The following LRRC4C variants were observed in gnomAD, a reference collection of about 807,000 sequenced individuals.
The protein encoded by LRRC4C is leucine rich repeat containing 4C.
Under a neutral mutation model 33.6 loss-of-function variants are expected in LRRC4C, and 5 were observed. The observed-to-expected ratio is 0.15, with a 90% CI of 0.08 to 0.31. LRRC4C has a LOEUF of 0.31. LRRC4C is among the 10% of genes least tolerant of loss of function. The probability of loss-of-function intolerance (pLI) is 1.00; values close to 1 mark genes in which losing one functional copy is unlikely to be tolerated. For missense variants in LRRC4C, 560 were observed against 796.7 expected, an observed-to-expected ratio of 0.70 and a Z score of 3.58; for synonymous variants, 329 against 302.0, an observed-to-expected ratio of 1.09 and a Z score of -0.93.
chr11:40,241,237 C>T (rs1025817677), intron 5 of LRRC4C, among the ~76,000 whole-genome samples: 1 of 151,992 alleles, frequency 6.6e-6, no homozygotes, highest in South Asian at 2.1e-4. Context: ...AAAAAGTTAG[C>T]CAGGCATGGT....
At chr11:41,410,568 G>A (rs1268663231) in intron 1 of LRRC4C, among the ~76,000 whole-genome samples, 1 of 151,920 alleles carries the variant, frequency 6.6e-6, no homozygotes, top group African/African-American at 2.4e-5. Flanking sequence ...AGCCTCCCGA[G>A]TAGCTGGGAC....
At chr11:40,351,424 A>G (rs1001257888) in intron 3 of LRRC4C, 2 of 152,090 alleles carry the variant, frequency 1.3e-5, no homozygotes, top group Admixed American at 6.6e-5. Flanking sequence ...CTTTAGGTCT[A>G]TAGTGCAGAT....
chr11:40,278,378 A>C (rs752350321), intron 4 of LRRC4C, among the ~76,000 whole-genome samples: 13 of 152,220 alleles, frequency 8.5e-5, no homozygotes, highest in Non-Finnish European at 1.8e-4. Flanking sequence ...AGATTTAAAC[A>C]CATCTATGGC....
intron 6 of LRRC4C, among the ~76,000 whole-genome samples, chr11:40,117,673 T>C (rs1855530619): frequency 6.6e-6 from 1 of 151,070 alleles, no homozygotes; most frequent in Admixed American, 6.6e-5. Context: ...ATAAACAGTG[T>C]GTCTTCTATG....
intron 1 of LRRC4C, among the ~76,000 whole-genome samples, chr11:41,169,824 G>A (rs1490240706): frequency 1.3e-5 from 2 of 152,004 alleles, no homozygotes; most frequent in African/African-American, 4.8e-5. Context: ...CCCTTTCAAT[G>A]GTATTGTAAG....
At chr11:40,376,772 G>T (rs1001100770) in intron 3 of LRRC4C, among the ~76,000 whole-genome samples, 1 of 151,856 alleles carries the variant, frequency 6.6e-6, no homozygotes, top group African/African-American at 2.4e-5. Context: ...TGGAGTGGGG[G>T]AGTTAAATGT....
chr11:41,449,769 A>G (rs1008539243), intron 1 of LRRC4C, among the ~76,000 whole-genome samples: 3 of 100,144 alleles, frequency 3.0e-5, no homozygotes, highest in Non-Finnish European at 4.5e-5. Context: ...CTCTTGATGG[A>G]AAAAAAAAAA....
intron 1 of LRRC4C, among the ~76,000 whole-genome samples, chr11:41,186,151 A>G (rs919474841): frequency 6.6e-6 from 1 of 152,162 alleles, no homozygotes; most frequent in Non-Finnish European, 1.5e-5. Flanking sequence ...GTTTTGTCTG[A>G]TGAAGCCAAA....
intron 2 of LRRC4C, among the ~76,000 whole-genome samples, chr11:40,716,256 TGG>T (rs1191471869): frequency 1.3e-5 from 2 of 152,172 alleles, no homozygotes; most frequent in African/African-American, 4.8e-5. Context: ...CTTAGGGAGC[TGG>T]GTGGTAGATA....
intron 3 of LRRC4C, among the ~76,000 whole-genome samples, chr11:40,606,059 G>A (rs1241178645): frequency 1.3e-5 from 2 of 152,168 alleles, no homozygotes; most frequent in East Asian, 1.9e-4. Context: ...GAACAAAACA[G>A]CTTGGTTGTC....
rs189564419 is a variant in LRRC4C, at chr11:41,392,866, G to A, written c.-496+66565C>T. ...CCTGGAGTCTTCTGAGAGAGCAAAA[G>A]CAAGAACCTGCCAGTTTAAGACTTC... On this transcript the variant is annotated intron_variant, in intron 1 of 6. Transcript: ENST00000528697. Among the ~76,000 whole-genome samples the A allele has an allele frequency of 2.6e-5, 4 of 151,946 alleles. No homozygotes were observed. In the East Asian group the frequency reaches 5.8e-4, roughly 22 times the overall value.
chr11:41,073,022 C>A (rs1329207811), intron 1 of LRRC4C, among the ~76,000 whole-genome samples: 3 of 152,126 alleles, frequency 2.0e-5, no homozygotes, highest in Non-Finnish European at 4.4e-5. Flanking sequence ...ATAAACACTG[C>A]TATATTGAGT....
intron 1 of LRRC4C, among the ~76,000 whole-genome samples, chr11:41,094,531 A>T (rs1217082340): frequency 6.6e-6 from 1 of 152,052 alleles, no homozygotes; most frequent in Non-Finnish European, 1.5e-5. Context: ...CTCAAAAAAT[A>T]AAAAAATAAT....
At chr11:41,038,123 A>C (rs1014258791) in intron 1 of LRRC4C, among the ~76,000 whole-genome samples, 3 of 152,214 alleles carry the variant, frequency 2.0e-5, no homozygotes, top group African/African-American at 7.2e-5. Context: ...TTCAAATCAC[A>C]AGAAAGCAGT....
At chr11:40,935,944 A>G (rs935862014) in intron 1 of LRRC4C, among the ~76,000 whole-genome samples, 1 of 146,352 alleles carries the variant, frequency 6.8e-6, no homozygotes, top group African/African-American at 2.5e-5. Flanking sequence ...AAGGGAGCTG[A>G]GTAAATAAAA....
At chr11:40,684,195 T>G (rs1433732939) in intron 2 of LRRC4C, among the ~76,000 whole-genome samples, 2 of 152,058 alleles carry the variant, frequency 1.3e-5, no homozygotes, top group Non-Finnish European at 2.9e-5. Flanking sequence ...TTACAAAATG[T>G]ATGTTACATA....
intron 1 of LRRC4C, among the ~76,000 whole-genome samples, chr11:41,230,922 A>C (rs1947761415): frequency 6.6e-6 from 1 of 151,312 alleles, no homozygotes; most frequent in African/African-American, 2.4e-5. Context: ...AAAAAAAAAA[A>C]ACCAAACAAC....
At chr11:40,371,773 A>G (rs1366153414) in intron 3 of LRRC4C, among the ~76,000 whole-genome samples, 1 of 152,332 alleles carries the variant, frequency 6.6e-6, no homozygotes, top group East Asian at 1.9e-4. Context: ...CCAAAATGCT[A>G]TAGAATATTG....
chr11:40,134,973 T>C (rs1856871743), intron 6 of LRRC4C, among the ~76,000 whole-genome samples: 1 of 152,150 alleles, frequency 6.6e-6, no homozygotes, highest in Non-Finnish European at 1.5e-5. Context: ...TCTGTGTTTA[T>C]GAGATCTGAG....
Sources: allele counts gnomAD v4.1 joint callset (sites outside exome capture counted in the v4.1 genomes callset), GRCh38; gene constraint gnomAD v4.1.1; transcripts MANE v1.5; gene names NCBI Gene and HGNC (gene_info 2026-07-23, HGNC 2026-07-21).